The following ZNF596 variants were observed in gnomAD, a reference collection of about 807,000 sequenced individuals.
ZNF596 encodes the protein zinc finger protein 596.
A neutral mutation model predicts 48.3 loss-of-function variants in ZNF596; 45 were observed. That is an observed-to-expected ratio of 0.93 (90% CI 0.73 to 1.19). The LOEUF is 1.19. Ranked by LOEUF, ZNF596 falls within the 50% of genes most tolerant of loss-of-function variation. ZNF596 has a pLI of 0.00. For missense variants in ZNF596, 848 were observed against 599.7 expected, an observed-to-expected ratio of 1.41 and a Z score of -4.32; for synonymous variants, 270 against 202.0, an observed-to-expected ratio of 1.34 and a Z score of -2.85.
At chr8:239,725 C>G (rs1163317441) in intron 1 of ZNF596, among the ~76,000 whole-genome samples, 4 of 152,280 alleles carry the variant, frequency 2.6e-5, no homozygotes, top group Non-Finnish European at 5.9e-5. Flanking sequence ...TTCACCCACC[C>G]AGAAGCTCTA....
chr8:232,909 G>C (rs1055369035), intron 1 of ZNF596: 2 of 468,748 alleles, frequency 4.3e-6, no homozygotes, highest in African/African-American at 4.2e-5. Context: ...GGACCTGCCC[G>C]ATCCTGTAAC....
chr8:242,000 C>T (rs529554196), intron 2 of ZNF596, among the ~76,000 whole-genome samples: 1 of 152,250 alleles, frequency 6.6e-6, no homozygotes, highest in South Asian at 2.1e-4. Context: ...GGAAGTTCAC[C>T]CCCATGATTC....
At chr8:238,925 G>C (rs948785541) in intron 1 of ZNF596, among the ~76,000 whole-genome samples, 2 of 151,986 alleles carry the variant, frequency 1.3e-5, no homozygotes, top group Admixed American at 6.6e-5. Flanking sequence ...ATCTGGAAAA[G>C]GATACATGAA....
chr8:238,334 A>G lies in ZNF596; in HGVS notation c.-72-2490A>G, dbSNP rs577401049. Among the ~76,000 whole-genome samples, 4 of 152,130 alleles carry G rather than the reference A, an allele frequency of 2.6e-5. No individual in the cohort carries two copies. In the South Asian group the frequency reaches 6.2e-4, roughly 24 times the overall value. ...TAGTGGAGGAAAGGAGAGTAATGAA[A>G]TATGCATTTCGTGTCCCAGGCTATC... On this transcript the variant is annotated intron_variant, in intron 1 of 5. Transcript: ENST00000398612.
Position 240,988 on chromosome 8 carries a change from T to C in ZNF596, c.12+81T>C, listed in dbSNP as rs138443183. On this transcript the variant is annotated intron_variant, in intron 2 of 5. Coordinates refer to ENST00000398612, the MANE Select transcript of ZNF596 (RefSeq NM_001042416.3). ...GGCAGATTCATCCTATTAACATGGA[T>C]GTTCTAAGTGCACTCAAGGATCCAA... 1.6e-4 allele frequency: 242 copies of C among 1,524,320 alleles called. 1 individual carries two copies. The African/African-American group carries it at 3.0e-3, about 19-fold the overall frequency. 94.4% of individuals were successfully genotyped at this position (1,524,320 alleles called of 1,614,324 possible).
rs765627223 is a variant in ZNF596, at chr8:245,855, A to G, written c.1008A>G (p.Glu336=). 1 of 1,613,958 alleles carries G rather than the reference A, an allele frequency of 6.2e-7. No homozygotes were observed. Among genetic ancestry groups the G allele is most frequent in the Non-Finnish European group, 8.5e-7 (1 of 1,180,006 alleles). The part of the protein sequence containing the change: ...ERTHNGEKPY[E]CHLCGKAFSH... ...CTCACAATGGAGAGAAACCATATGA[A>G]TGTCATCTATGTGGAAAAGCCTTCT... Residue 336 remains glutamate (E), a synonymous_variant, in exon 6 of 6, where the codon GAA becomes GAG. Transcript: ENST00000398612.
intron 1 of ZNF596, among the ~76,000 whole-genome samples, chr8:235,644 A>G (rs1179971168): frequency 6.6e-6 from 1 of 152,196 alleles, no homozygotes; most frequent in Non-Finnish European, 1.5e-5. Flanking sequence ...TATATTCTGT[A>G]GTTTAATTAT....
At chr8:239,971 G>A (rs1216437812) in intron 1 of ZNF596, among the ~76,000 whole-genome samples, 4 of 152,106 alleles carry the variant, frequency 2.6e-5, no homozygotes, top group African/African-American at 7.2e-5. Context: ...AAGGCATTAC[G>A]AGCTCTGTAC....
intron 2 of ZNF596, among the ~76,000 whole-genome samples, 191 bp downstream of exon 2, chr8:241,098 C>T (rs1336298556): frequency 6.6e-6 from 1 of 152,212 alleles, no homozygotes; most frequent in African/African-American, 2.4e-5. Flanking sequence ...CAACAGTACA[C>T]TAAGGCATTC....
At position 242,840 on chromosome 8, in the gene ZNF596, T is replaced by C. The variant is rs545626132; in HGVS notation, c.13-47T>C. On this transcript the variant is annotated intron_variant, in intron 2 of 5. Coordinates refer to ENST00000398612, the MANE Select transcript of ZNF596 (RefSeq NM_001042416.3). The stretch of plus-strand genomic sequence containing the variant: ...CACTTTGATCTTGCTCCACTGAACA[T>C]TGGCAGAGATAGCCCTGTTTGCAGT... The C allele has an allele frequency of 6.7e-5, 95 of 1,421,850 alleles. No homozygotes were observed. In the South Asian group the frequency reaches 1.4e-3, roughly 21 times the overall value. 88.1% of individuals were successfully genotyped at this position (1,421,850 alleles called of 1,614,324 possible).
chr8:241,505 T>C (rs547288192), intron 2 of ZNF596, among the ~76,000 whole-genome samples: 4 of 152,344 alleles, frequency 2.6e-5, no homozygotes, highest in East Asian at 1.9e-4. Context: ...AAAATTCTTA[T>C]TACCCTTGTC....
At chr8:235,203 G>A (rs1251939479) in intron 1 of ZNF596, among the ~76,000 whole-genome samples, 1 of 152,214 alleles carries the variant, frequency 6.6e-6, no homozygotes, top group African/African-American at 2.4e-5. Context: ...ACAGGAGGGA[G>A]TTTTATAAAT....
At chr8:237,302 T>C (rs1796656838) in intron 1 of ZNF596, 1 of 152,142 alleles carries the variant, frequency 6.6e-6, no homozygotes, top group Admixed American at 6.5e-5. Flanking sequence ...CATTACATTA[T>C]TTTATTATTT....
Position 240,097 on chromosome 8 carries a change from ACTAT to A in ZNF596, c.-72-722_-72-719del, listed in dbSNP as rs539570476. 2.6e-4 allele frequency among the ~76,000 whole-genome samples: 40 copies of A among 152,316 alleles called. No homozygotes were observed. The South Asian group carries it at 4.4e-3, about 17-fold the overall frequency. On this transcript the variant is annotated intron_variant, in intron 1 of 5. Coordinates refer to ENST00000398612, the MANE Select transcript of ZNF596 (RefSeq NM_001042416.3). Reference sequence around the variant, plus strand: ...GCCAGGAACTGGGGATGAAAACCAAACTATCTATTTCTTACAACTAACAATGTCA... The same window carrying A: ...GCCAGGAACTGGGGATGAAAACCAAACTATTTCTTACAACTAACAATGTCA...
At position 245,840 on chromosome 8, in the gene ZNF596, A is replaced by C; in HGVS notation, c.993A>C (p.Gly331=). Residue 331 remains glycine, a synonymous_variant, in exon 6 of 6, where the codon GGA becomes GGC. Transcript: ENST00000398612. ...GACAACATGAAAGAACTCACAATGG[A>C]GAGAAACCATATGAATGTCATCTAT... is the stretch of plus-strand genomic sequence containing the variant. ...YLRQHERTHN[G]EKPYECHLCG... 1 of 1,614,162 alleles carries C rather than the reference A, an allele frequency of 6.2e-7. No individual in the cohort carries two copies. The highest frequency in any genetic ancestry group is 1.1e-5 in the South Asian group (1 of 91,078).
At chr8:233,112 GA>G in intron 1 of ZNF596, 1 of 468,478 alleles carries the variant, frequency 2.1e-6, no homozygotes, top group Non-Finnish European at 4.4e-6. Context: ...GAGAAAAGGG[GA>G]GGGAAGTTTA....
At chr8:242,162 A>C (rs959458511) in intron 2 of ZNF596, among the ~76,000 whole-genome samples, 1 of 152,232 alleles carries the variant, frequency 6.6e-6, no homozygotes, top group Non-Finnish European at 1.5e-5. Flanking sequence ...GGAAAGTGGC[A>C]GGATGAGACC....
At chr8:242,806 T>A (rs1243600265) in intron 2 of ZNF596, 81 bp from the exon 3 acceptor site, 1 of 1,329,014 alleles carries the variant, frequency 7.5e-7, no homozygotes, top group Non-Finnish European at 9.8e-7. Context: ...CACACTTCCT[T>A]AGTACAGTCA....
At position 246,364 on chromosome 8, in the gene ZNF596, AATC is replaced by A. The variant is rs1198107827; in HGVS notation, c.*7_*9del. 1.0e-5 allele frequency: 16 copies of A among 1,575,024 alleles called. No homozygotes were observed. The highest frequency in any genetic ancestry group is 1.2e-5 in the Non-Finnish European group (14 of 1,165,456). On this transcript the variant is annotated 3_prime_UTR_variant, in exon 6 of 6. Coordinates refer to ENST00000398612, the MANE Select transcript of ZNF596 (RefSeq NM_001042416.3). Reference sequence around the variant, plus strand: ...ACTAAAAAAGCAATGAATATGTAAGAATCATCAGCTGTAGCGTTAACACTAAAT... The same window carrying A: ...ACTAAAAAAGCAATGAATATGTAAGAATCAGCTGTAGCGTTAACACTAAAT...
Sources: gnomAD v4.1 joint callset for allele counts (sites outside exome capture counted in the v4.1 genomes callset) on GRCh38, gnomAD v4.1.1 for gene constraint, MANE v1.5 for transcripts, NCBI Gene and HGNC (gene_info 2026-07-23, HGNC 2026-07-21) for gene names.